Variants in SLC8A1 observed in about 807,000 individuals in gnomAD.
The protein encoded by SLC8A1 is solute carrier family 8 member A1.
In SLC8A1, 18 loss-of-function variants were observed where a neutral mutation model predicts 68.3. The observed-to-expected ratio is 0.26, with a 90% CI of 0.18 to 0.39. The LOEUF (loss-of-function observed/expected upper bound fraction) is 0.39, where lower values mean the gene tolerates loss of function less well. Ranked by LOEUF, SLC8A1 falls within the 10% of genes least tolerant of loss-of-function variation. The pLI is 1.00. For synonymous variants in SLC8A1, 475 were observed against 415.5 expected, an observed-to-expected ratio of 1.14 and a Z score of -1.74; for missense variants, 985 against 1,156.7, an observed-to-expected ratio of 0.85 and a Z score of 2.15.
At chr2:40,129,157 G>A (rs905767040) in intron 7 of SLC8A1, among the ~76,000 whole-genome samples, 2 of 152,050 alleles carry the variant, frequency 1.3e-5, no homozygotes, top group African/African-American at 4.8e-5. Context: ...CCACCATAAA[G>A]CTGTTAAAAG....
At chr2:40,470,065 T>TCAATC (rs1279180519) in intron 1 of SLC8A1, among the ~76,000 whole-genome samples, 1 of 151,880 alleles carries the variant, frequency 6.6e-6, no homozygotes. Context: ...AACATTGTTT[T>TCAATC]AGTACTTTCA....
intron 2 of SLC8A1, among the ~76,000 whole-genome samples, chr2:40,379,215 G>C (rs748160476): frequency 1.3e-5 from 2 of 152,072 alleles, no homozygotes; most frequent in Non-Finnish European, 2.9e-5. Flanking sequence ...TTCTGATTCC[G>C]TTTTGAGGTG....
chr2:40,288,884 G>C (rs893052121), intron 2 of SLC8A1, among the ~76,000 whole-genome samples: 16 of 125,002 alleles, frequency 1.3e-4, no homozygotes, highest in African/African-American at 6.5e-4. Context: ...TTTTTTGGTA[G>C]AGATGGGATC....
At chr2:40,379,586 CA>C (rs1269154939) in intron 2 of SLC8A1, among the ~76,000 whole-genome samples, 3 of 151,960 alleles carry the variant, frequency 2.0e-5, no homozygotes, top group African/African-American at 7.2e-5. Flanking sequence ...CTATGTTGTG[CA>C]GCCATTTCAC....
chr2:40,271,743 C>T lies in SLC8A1; in HGVS notation c.1809-93888G>A, dbSNP rs60239837. Among the ~76,000 whole-genome samples, 1,051 of 152,196 alleles carry T rather than the reference C, an allele frequency of 6.9e-3. 15 individuals carry two copies. Among genetic ancestry groups the T allele is most frequent in the African/African-American group, 0.023 (968 of 41,516 alleles). On this transcript the variant is annotated intron_variant, in intron 2 of 7. Transcript: ENST00000406785. The stretch of plus-strand genomic sequence containing the variant: ...ATGAGCCCTTTTAAGTGAAAGACAC[C>T]GTGATATAAACAGTGAAAAGACAGA...
chr2:40,276,205 CCT>C (rs796345865), intron 2 of SLC8A1, among the ~76,000 whole-genome samples: 25 of 152,206 alleles, frequency 1.6e-4, no homozygotes, highest in African/African-American at 5.8e-4. Context: ...TCTTCTTTCC[CCT>C]GTTACAAAGC....
At chr2:40,308,010 T>C (rs530836990) in intron 2 of SLC8A1, among the ~76,000 whole-genome samples, 1 of 152,106 alleles carries the variant, frequency 6.6e-6, no homozygotes, top group South Asian at 2.1e-4. Flanking sequence ...ACTGAGATAA[T>C]ATGAAATGGA....
chr2:40,155,254 C>G (rs1022736821), intron 6 of SLC8A1, among the ~76,000 whole-genome samples: 5 of 152,010 alleles, frequency 3.3e-5, no homozygotes, highest in African/African-American at 1.2e-4. Flanking sequence ...CTCAGCCTTC[C>G]TAGTAGCTGG....
chr2:40,127,894 GT>G (rs1325750201), intron 7 of SLC8A1, among the ~76,000 whole-genome samples: 1 of 152,178 alleles, frequency 6.6e-6, no homozygotes, highest in Non-Finnish European at 1.5e-5. Flanking sequence ...CTGAACAAAG[GT>G]TATAAAATAC....
chr2:40,308,104 C>G (rs2073004894), intron 2 of SLC8A1, among the ~76,000 whole-genome samples: 1 of 152,146 alleles, frequency 6.6e-6, no homozygotes, highest in African/African-American at 2.4e-5. Flanking sequence ...CCCATTTTGG[C>G]CCAATATACA....
intron 2 of SLC8A1, among the ~76,000 whole-genome samples, chr2:40,290,060 A>C (rs2069016452): frequency 6.6e-6 from 1 of 151,970 alleles, no homozygotes; most frequent in Non-Finnish European, 1.5e-5. Flanking sequence ...AAATGACATA[A>C]GTCAATTTGG....
At chr2:40,295,468 C>T (rs1232106105) in intron 2 of SLC8A1, among the ~76,000 whole-genome samples, 1 of 152,100 alleles carries the variant, frequency 6.6e-6, no homozygotes, top group Non-Finnish European at 1.5e-5. Context: ...TATACTATGT[C>T]ATTCTAAAAT....
At chr2:40,188,642 C>T (rs188715166) in intron 2 of SLC8A1, among the ~76,000 whole-genome samples, 8 of 152,326 alleles carry the variant, frequency 5.3e-5, no homozygotes, top group African/African-American at 1.7e-4. Context: ...GGAAGGACTT[C>T]ACTCCTGGCA....
At chr2:40,415,629 ACAT>A (rs1693573726) in intron 2 of SLC8A1, among the ~76,000 whole-genome samples, 3 of 152,132 alleles carry the variant, frequency 2.0e-5, no homozygotes, top group African/African-American at 7.2e-5. Context: ...ACAAACGGCA[ACAT>A]CAAATGCAAA....
intron 2 of SLC8A1, among the ~76,000 whole-genome samples, chr2:40,306,616 G>T (rs921990788): frequency 6.6e-6 from 1 of 152,146 alleles, no homozygotes; most frequent in South Asian, 2.1e-4. Context: ...GTTGCCAAAG[G>T]AAAGTGTGAC....
intron 2 of SLC8A1, among the ~76,000 whole-genome samples, chr2:40,264,910 C>T (rs1458673244): frequency 6.6e-6 from 1 of 152,152 alleles, no homozygotes; most frequent in Non-Finnish European, 1.5e-5. Context: ...CAGAGGACAG[C>T]AGTACTGTAT....
intron 2 of SLC8A1, among the ~76,000 whole-genome samples, chr2:40,280,957 T>C (rs374611624): frequency 6.6e-6 from 1 of 152,224 alleles, no homozygotes; most frequent in Non-Finnish European, 1.5e-5. Flanking sequence ...TTAGCATGAA[T>C]AGAATGAATT....
intron 1 of SLC8A1, among the ~76,000 whole-genome samples, chr2:40,486,980 GA>G (rs1705010867): frequency 6.7e-6 from 1 of 149,882 alleles, no homozygotes; most frequent in Admixed American, 6.7e-5. Context: ...TCATAGGTGG[GA>G]ACTGAACAAT....
chr2:40,097,412 C>T (rs1476313011), exon 8 of SLC8A1: 2 of 151,998 alleles, frequency 1.3e-5, no homozygotes, highest in African/African-American at 2.4e-5. Flanking sequence ...TTAAACATCA[C>T]ATATAACATA....
Sources: allele counts gnomAD v4.1 joint callset (sites outside exome capture counted in the v4.1 genomes callset), GRCh38; gene constraint gnomAD v4.1.1; transcripts MANE v1.5; gene names NCBI Gene and HGNC (gene_info 2026-07-23, HGNC 2026-07-21).